Variants in DAAM1 observed in about 807,000 individuals in gnomAD.
The protein encoded by DAAM1 is dishevelled associated activator of morphogenesis 1.
Under a neutral mutation model 130.0 loss-of-function variants are expected in DAAM1, and 52 were observed. The ratio of observed to expected loss-of-function variants is 0.40; its 90% CI spans 0.32 to 0.50. The LOEUF (loss-of-function observed/expected upper bound fraction) is 0.50. Among genes scored for constraint, DAAM1 ranks in the 20% least tolerant of loss-of-function variants. The pLI is 0.61. For missense variants in DAAM1, 1,134 were observed against 1,303.8 expected (o/e 0.87, Z 2.01); for synonymous variants, 452 against 444.5 (o/e 1.02, Z -0.21).
At chr14:59,365,315 T>G (rs1886874298) in intron 23 of DAAM1, among the ~76,000 whole-genome samples, 1 of 152,216 alleles carries the variant, frequency 6.6e-6, no homozygotes. Context: ...TATGTGAACT[T>G]GAATGTTTTA....
chr14:59,314,989 A>C (rs1884730207), intron 3 of DAAM1, among the ~76,000 whole-genome samples: 1 of 152,220 alleles, frequency 6.6e-6, no homozygotes, highest in Non-Finnish European at 1.5e-5. Flanking sequence ...CCTGAAGGAA[A>C]ACAACTTTAC....
chr14:59,338,254 A>G (rs1274127359), intron 15 of DAAM1: 3 of 866,092 alleles, frequency 3.5e-6, no homozygotes, highest in African/African-American at 3.3e-5. Context: ...TGATGATCCC[A>G]GGGGCATAAA....
chr14:59,358,961 C>G (rs1162108974), intron 20 of DAAM1, among the ~76,000 whole-genome samples: 1 of 152,162 alleles, frequency 6.6e-6, no homozygotes, highest in Non-Finnish European at 1.5e-5. Context: ...CCCCACTCCA[C>G]TCCACCCAAG....
intron 1 of DAAM1, among the ~76,000 whole-genome samples, chr14:59,199,524 A>T (rs1888032974): frequency 6.6e-6 from 1 of 152,212 alleles, no homozygotes; most frequent in Non-Finnish European, 1.5e-5. Flanking sequence ...GTGAGCATTT[A>T]TGTTCTGATT....
chr14:59,368,613 G>GACATGTCTCAAAGAGGTTATTTCTTTCT (rs1272184588), intron 24 of DAAM1, 37 bp from the exon 25 acceptor site: 1 of 1,584,814 alleles, frequency 6.3e-7, no homozygotes, highest in African/African-American at 1.4e-5. Context: ...GCAACATTTT[G>GACATGTCTCAAAGAGGTTATTTCTTTCT]ACATGTCTCA....
chr14:59,286,951 G>A (rs973768827), intron 2 of DAAM1, among the ~76,000 whole-genome samples: 1 of 152,076 alleles, frequency 6.6e-6, no homozygotes, highest in African/African-American at 2.4e-5. Context: ...GCATCACCCT[G>A]ATACCAAAGA....
chr14:59,317,386 C>T lies in DAAM1; in HGVS notation c.345+2035C>T, dbSNP rs112612872. On this transcript the variant is annotated intron_variant, in intron 4 of 24. Coordinates refer to ENST00000360909, the MANE Select transcript of DAAM1 (RefSeq NM_001270520.2). ...TCTGTTTTTCTCAACATTCTGATTG[C>T]CACCACCGCCTTGCATAGTTCTGGC... is the stretch of plus-strand genomic sequence containing the variant. 1.4e-3 allele frequency among the ~76,000 whole-genome samples: 207 copies of T among 152,294 alleles called. 1 individual carries two copies. Among genetic ancestry groups the T allele is most frequent in the African/African-American group, 4.7e-3 (196 of 41,576 alleles).
At chr14:59,328,012 C>T (rs1387062100) in intron 12 of DAAM1, among the ~76,000 whole-genome samples, 1 of 152,160 alleles carries the variant, frequency 6.6e-6, no homozygotes, top group Non-Finnish European at 1.5e-5. Context: ...TGCCAGCTAC[C>T]ATGCTCTCAC....
At chr14:59,342,979 C>T (rs1470667919) in intron 16 of DAAM1, among the ~76,000 whole-genome samples, 3 of 152,072 alleles carry the variant, frequency 2.0e-5, no homozygotes, top group Non-Finnish European at 4.4e-5. Flanking sequence ...GGCAGGAGAG[C>T]CCGAAATTCA....
intron 2 of DAAM1, among the ~76,000 whole-genome samples, chr14:59,276,029 G>T (rs963297998): frequency 1.3e-5 from 2 of 152,080 alleles, no homozygotes; most frequent in African/African-American, 4.8e-5. Context: ...TGTTTTTCCT[G>T]ACTGGTTGGG....
At chr14:59,311,142 C>A (rs1218720310) in intron 3 of DAAM1, among the ~76,000 whole-genome samples, 1 of 152,054 alleles carries the variant, frequency 6.6e-6, no homozygotes, top group Non-Finnish European at 1.5e-5. Context: ...TCAGCTGCTA[C>A]GAAGAAATTT....
intron 2 of DAAM1, among the ~76,000 whole-genome samples, chr14:59,282,410 T>G (rs368559853): frequency 9.8e-5 from 15 of 152,304 alleles, no homozygotes; most frequent in African/African-American, 3.6e-4. Flanking sequence ...CTATTCTGTC[T>G]TCAGATGAAG....
At chr14:59,224,126 C>G (rs187294146) in intron 1 of DAAM1, among the ~76,000 whole-genome samples, 1 of 152,262 alleles carries the variant, frequency 6.6e-6, no homozygotes, top group Admixed American at 6.5e-5. Flanking sequence ...TTTGGCTGGC[C>G]TTGTGGACAG....
intron 1 of DAAM1, among the ~76,000 whole-genome samples, chr14:59,245,395 G>A (rs1342723361): frequency 6.6e-6 from 1 of 152,164 alleles, no homozygotes; most frequent in Non-Finnish European, 1.5e-5. Flanking sequence ...TATTTCAGTA[G>A]CTTTAGAATC....
rs754945270 is a variant in DAAM1, at chr14:59,326,603, A to C, written c.1268A>C (p.Asp423Ala). 5 of 1,613,840 alleles carry C rather than the reference A, an allele frequency of 3.1e-6. No individual in the cohort carries two copies. The highest frequency in any genetic ancestry group is 4.2e-6 in the Non-Finnish European group (5 of 1,179,908). ...CAGAATGACAAAGGACAGGACCCTG[A>C]CTCCACACCTTTGGAAAACTTTAAT... ...VIQNDKGQDP[D>A]STPLENFNIK... Residue 423 changes from aspartate (D) to alanine (A), a missense_variant, in exon 11 of 25, where the codon GAC (aspartate) becomes GCC (alanine). Physicochemically the swap from Asp to Ala is moderately radical, Grantham distance 126 (BLOSUM62 -2). Transcript: ENST00000360909.
chr14:59,277,686 A>T (rs1368724630), intron 2 of DAAM1, among the ~76,000 whole-genome samples: 1 of 152,094 alleles, frequency 6.6e-6, no homozygotes, highest in East Asian at 1.9e-4. Flanking sequence ...TGACTTTTAA[A>T]ACTCTATCCA....
At chr14:59,254,726 C>T (rs373104517) in intron 1 of DAAM1, among the ~76,000 whole-genome samples, 15 of 152,290 alleles carry the variant, frequency 9.8e-5, no homozygotes, top group African/African-American at 3.6e-4. Flanking sequence ...AACTTCCTAA[C>T]TCGAGAACCT....
intron 3 of DAAM1, chr14:59,299,848 G>A (rs1007112089): frequency 6.6e-6 from 1 of 152,080 alleles, no homozygotes; most frequent in Non-Finnish European, 1.5e-5. Flanking sequence ...GAAGTCTCTG[G>A]TCCAGAGAAA....
At chr14:59,190,209 A>G (rs1021787550) in intron 1 of DAAM1, among the ~76,000 whole-genome samples, 1 of 151,708 alleles carries the variant, frequency 6.6e-6, no homozygotes, top group Non-Finnish European at 1.5e-5. Context: ...TTTCTCTCCT[A>G]AATAGCTTGG....
Sources: allele counts gnomAD v4.1 joint callset (sites outside exome capture counted in the v4.1 genomes callset), GRCh38; gene constraint gnomAD v4.1.1; transcripts MANE v1.5; gene names NCBI Gene and HGNC (gene_info 2026-07-23, HGNC 2026-07-21).